Variants in MTHFD1L observed in about 807,000 individuals in gnomAD.
MTHFD1L encodes monofunctional C1-tetrahydrofolate synthase, mitochondrial.
Under a neutral mutation model 119.5 loss-of-function variants are expected in MTHFD1L, and 81 were observed. That is an observed-to-expected ratio of 0.68 (90% CI 0.57 to 0.82). The LOEUF (loss-of-function observed/expected upper bound fraction) is 0.82, where lower values mean the gene tolerates loss of function less well. MTHFD1L is among the 40% of genes least tolerant of loss of function. The pLI is 0.00. For missense variants in MTHFD1L, 1,125 were observed against 1,253.4 expected (o/e 0.90, Z 1.55); for synonymous variants, 430 against 475.2 (o/e 0.90, Z 1.24).
intron 26 of MTHFD1L, among the ~76,000 whole-genome samples, chr6:151,080,988 CGACT>C (rs1793089756): frequency 6.6e-6 from 1 of 152,114 alleles, no homozygotes; most frequent in African/African-American, 2.4e-5. Flanking sequence ...CCTACAGCCT[CGACT>C]TCCTGTCTCC....
intron 24 of MTHFD1L, among the ~76,000 whole-genome samples, chr6:151,025,140 C>T (rs1273185003): frequency 1.3e-5 from 2 of 152,224 alleles, no homozygotes; most frequent in Non-Finnish European, 2.9e-5. Flanking sequence ...TCCGGTTACC[C>T]TCACCGCACC....
chr6:150,874,909 C>T (rs1780152156), intron 1 of MTHFD1L, among the ~76,000 whole-genome samples: 1 of 151,970 alleles, frequency 6.6e-6, no homozygotes, highest in African/African-American at 2.4e-5. Context: ...GCCACCACAC[C>T]CAGCTAATTT....
chr6:150,919,984 ATGG>A (rs1788627046), intron 9 of MTHFD1L, among the ~76,000 whole-genome samples: 1 of 152,190 alleles, frequency 6.6e-6, no homozygotes, highest in African/African-American at 2.4e-5. Context: ...GCATACTCAC[ATGG>A]CTGTGGGCAT....
At chr6:150,998,541 A>G (rs1424414745) in intron 20 of MTHFD1L, among the ~76,000 whole-genome samples, 2 of 151,498 alleles carry the variant, frequency 1.3e-5, no homozygotes, top group Admixed American at 6.6e-5. Context: ...CAAAAATCCA[A>G]AATCCAAAGA....
chr6:150,989,708 A>C (rs766862930), intron 20 of MTHFD1L, among the ~76,000 whole-genome samples: 17 of 152,254 alleles, frequency 1.1e-4, no homozygotes, highest in Non-Finnish European at 1.5e-4. Flanking sequence ...ATGAGCACAT[A>C]GAATAAAACT....
At chr6:151,099,476 T>A in intron 27 of MTHFD1L, 1 of 1,133,216 alleles carries the variant, frequency 8.8e-7, no homozygotes, top group Non-Finnish European at 1.3e-6. Context: ...TGCCCTTCTC[T>A]CTTCCTCGGC....
intron 10 of MTHFD1L, among the ~76,000 whole-genome samples, chr6:150,924,480 T>C (rs150007310): frequency 5.8e-4 from 87 of 151,040 alleles, no homozygotes; most frequent in African/African-American, 2.0e-3. Flanking sequence ...CCTGTTTTGT[T>C]TGCTTGTTTG....
chr6:150,919,010 T>C (rs1297145706), intron 9 of MTHFD1L, among the ~76,000 whole-genome samples: 22 of 151,962 alleles, frequency 1.4e-4, no homozygotes, highest in Admixed American at 1.4e-3. Flanking sequence ...GATTAGGTGG[T>C]ATGTTAGTCC....
intron 8 of MTHFD1L, chr6:150,912,856 A>G (rs1583516789): frequency 4.0e-6 from 1 of 251,276 alleles, no homozygotes; most frequent in East Asian, 1.0e-4. Context: ...ACAACCTCCC[A>G]ATGGAGTCCT....
At chr6:150,900,240 G>T (rs1317560875) in intron 7 of MTHFD1L, among the ~76,000 whole-genome samples, 1 of 151,732 alleles carries the variant, frequency 6.6e-6, no homozygotes, top group African/African-American at 2.4e-5. Context: ...TGTATTTTTT[G>T]CTTTTATCTT....
At chr6:151,059,061 G>A (rs565895218) in intron 26 of MTHFD1L, among the ~76,000 whole-genome samples, 18 of 152,258 alleles carry the variant, frequency 1.2e-4, no homozygotes, top group African/African-American at 3.8e-4. Flanking sequence ...GCAGTGGTAA[G>A]CGCGCTGAAG....
At chr6:151,051,627 G>C (rs902384198) in intron 26 of MTHFD1L, among the ~76,000 whole-genome samples, 2 of 152,204 alleles carry the variant, frequency 1.3e-5, no homozygotes, top group African/African-American at 2.4e-5. Context: ...CATCACAAGG[G>C]AGTGAAAACC....
intron 19 of MTHFD1L, among the ~76,000 whole-genome samples, chr6:150,966,100 A>G (rs1797175470): frequency 6.6e-6 from 1 of 152,194 alleles, no homozygotes; most frequent in African/African-American, 2.4e-5. Flanking sequence ...TTGCAATTTC[A>G]GACAGCAAGA....
At chr6:150,935,330 T>A in intron 11 of MTHFD1L, 1 of 1,612,842 alleles carries the variant, frequency 6.2e-7, no homozygotes. Flanking sequence ...AACTAGGATA[T>A]CAGAAAATCA....
intron 24 of MTHFD1L, among the ~76,000 whole-genome samples, chr6:151,033,605 T>G (rs1248630779): frequency 6.6e-6 from 1 of 152,186 alleles, no homozygotes; most frequent in African/African-American, 2.4e-5. Context: ...GGAAATCTTC[T>G]CCTCCAACAC....
intron 20 of MTHFD1L, among the ~76,000 whole-genome samples, chr6:150,995,077 G>A (rs1041783816): frequency 2.6e-5 from 4 of 152,026 alleles, no homozygotes; most frequent in African/African-American, 9.7e-5. Context: ...CAAGAGGAGG[G>A]AAAGGTGGCA....
intron 20 of MTHFD1L, among the ~76,000 whole-genome samples, chr6:150,986,981 C>T (rs1404414422): frequency 1.2e-4 from 19 of 152,182 alleles, no homozygotes; most frequent in Non-Finnish European, 1.9e-4. Context: ...GGATTACAGA[C>T]GTGAGCCACC....
At chr6:150,944,710 A>G (rs1042530608) in intron 14 of MTHFD1L, 117 bp downstream of exon 14, 2 of 734,702 alleles carry the variant, frequency 2.7e-6, no homozygotes, top group Non-Finnish European at 2.3e-6. Context: ...ATTCAATTCA[A>G]TTTTGTGATT....
intron 7 of MTHFD1L, among the ~76,000 whole-genome samples, chr6:150,890,601 G>A (rs547811117): frequency 1.3e-5 from 2 of 152,170 alleles, no homozygotes; most frequent in African/African-American, 2.4e-5. Flanking sequence ...TCCCGAGTTC[G>A]TGCTGGTGTA....
Sources: gnomAD v4.1 joint callset for allele counts (sites outside exome capture counted in the v4.1 genomes callset) on GRCh38, gnomAD v4.1.1 for gene constraint, MANE v1.5 for transcripts, NCBI Gene and HGNC (gene_info 2026-07-23, HGNC 2026-07-21) for gene names.